EIF2AK4: variants seen among roughly 807,000 people sequenced by gnomAD.
EIF2AK4 encodes eukaryotic translation initiation factor 2 alpha kinase 4, also known as eIF-2-alpha kinase GCN2.
Under a neutral mutation model 211.1 loss-of-function variants are expected in EIF2AK4, and 139 were observed. The ratio of observed to expected loss-of-function variants is 0.66; its 90% CI spans 0.57 to 0.76. The LOEUF (loss-of-function observed/expected upper bound fraction) is 0.76. Among genes scored for constraint, EIF2AK4 ranks in the 30% least tolerant of loss-of-function variants. The pLI, the probability that EIF2AK4 is intolerant of heterozygous loss-of-function variation, is 0.00. For missense variants in EIF2AK4, 1,664 were observed against 2,043.8 expected, an observed-to-expected ratio of 0.81 and a Z score of 3.58; for synonymous variants, 710 against 751.3, an observed-to-expected ratio of 0.94 and a Z score of 0.90.
intron 1 of EIF2AK4, among the ~76,000 whole-genome samples, chr15:39,937,583 T>C (rs1371824724): frequency 1.3e-5 from 2 of 152,244 alleles, no homozygotes; most frequent in Non-Finnish European, 2.9e-5. Context: ...AAATGACCTT[T>C]TTTTTCTTTT....
chr15:39,949,084 C>A, intron 3 of EIF2AK4, 32 bp from the exon 4 acceptor site: 1 of 1,601,786 alleles, frequency 6.2e-7, no homozygotes, highest in South Asian at 1.1e-5. Flanking sequence ...ATTATTTGAT[C>A]ATTTGTGGTT....
chr15:39,977,746 A>G (rs1308343430), intron 12 of EIF2AK4: 1 of 173,026 alleles, frequency 5.8e-6, no homozygotes, highest in African/African-American at 2.4e-5. Context: ...ACCAATAATT[A>G]TGATCCTAAA....
chr15:40,001,176 G>C lies in EIF2AK4; in HGVS notation c.3111G>C (p.Gln1037His), dbSNP rs558057788. 12 of 1,613,994 alleles carry C rather than the reference G, an allele frequency of 7.4e-6. No homozygotes were observed. The highest frequency in any genetic ancestry group is 8.5e-6 in the Non-Finnish European group (10 of 1,179,978). Residue 1037 changes from glutamine (Q) to histidine (H), a missense_variant, in exon 21 of 39, where the codon CAG becomes CAC. Around this residue, in one of 7 missense-constraint regions of EIF2AK4, gnomAD observed 622 missense variants for 796.8 expected, o/e 0.78. Transcript: ENST00000263791. Reference protein sequence around the residue: ...YRTMMAQIFSQRISPAIDYTY... With the variant: ...YRTMMAQIFSHRISPAIDYTY... ...CCATGATGGCCCAGATCTTCTCGCA[G>C]CGCATCTCCCCTGCCATCGATTACA...
chr15:39,990,523 C>A, intron 16 of EIF2AK4, 146 bp downstream of exon 16: 1 of 702,920 alleles, frequency 1.4e-6, no homozygotes, highest in Non-Finnish European at 2.4e-6. Context: ...GGGTATGCTG[C>A]AAATGATCTT....
chr15:40,008,960 T>C (rs1362711790), intron 25 of EIF2AK4, among the ~76,000 whole-genome samples: 1 of 152,206 alleles, frequency 6.6e-6, no homozygotes, highest in Non-Finnish European at 1.5e-5. Flanking sequence ...TAACAATAAC[T>C]ATTCCACTGG....
intron 18 of EIF2AK4, among the ~76,000 whole-genome samples, chr15:39,994,622 T>C (rs1011239704): frequency 6.6e-6 from 1 of 152,132 alleles, no homozygotes; most frequent in Non-Finnish European, 1.5e-5. Context: ...CAATTATATA[T>C]GTGTAAAATA....
intron 7 of EIF2AK4, among the ~76,000 whole-genome samples, chr15:39,965,431 G>T (rs1188083623): frequency 1.3e-5 from 2 of 152,052 alleles, no homozygotes; most frequent in Non-Finnish European, 2.9e-5. Flanking sequence ...GCCAAACATT[G>T]GTCTCTTTAT....
At chr15:39,994,439 C>G (rs1000370085) in intron 18 of EIF2AK4, among the ~76,000 whole-genome samples, 14 of 152,200 alleles carry the variant, frequency 9.2e-5, no homozygotes, top group Non-Finnish European at 1.8e-4. Context: ...GAGACCTCAT[C>G]CCTACTAAAC....
chr15:39,943,899 G>A (rs1421562914), intron 3 of EIF2AK4, among the ~76,000 whole-genome samples: 2 of 152,106 alleles, frequency 1.3e-5, no homozygotes, highest in East Asian at 1.9e-4. Flanking sequence ...AGGTTACAGT[G>A]AGCTATGATC....
chr15:39,983,677 G>A (rs769937402), intron 13 of EIF2AK4, among the ~76,000 whole-genome samples: 1 of 152,192 alleles, frequency 6.6e-6, no homozygotes, highest in Admixed American at 6.5e-5. Context: ...CCCGACCTCA[G>A]GTGAACCGAC....
chr15:39,982,458 G>A (rs1343798023), intron 13 of EIF2AK4, among the ~76,000 whole-genome samples: 1 of 152,144 alleles, frequency 6.6e-6, no homozygotes, highest in Admixed American at 6.5e-5. Flanking sequence ...ATTGTTCTGT[G>A]TAGCAACAGA....
At chr15:39,976,036 T>TA (rs1473321442) in intron 11 of EIF2AK4, among the ~76,000 whole-genome samples, 1 of 152,254 alleles carries the variant, frequency 6.6e-6, no homozygotes, top group Non-Finnish European at 1.5e-5. Flanking sequence ...AGAGAGAAAC[T>TA]AAAATCATCT....
At chr15:40,003,454 G>A (rs78480775) in intron 23 of EIF2AK4, 140 bp downstream of exon 23, 2 of 1,343,008 alleles carry the variant, frequency 1.5e-6, no homozygotes, top group African/African-American at 2.9e-5. Context: ...AGTTGTCAGA[G>A]TGAGAGTGTT....
chr15:39,983,319 A>G (rs1224146485), intron 13 of EIF2AK4, among the ~76,000 whole-genome samples: 1 of 151,906 alleles, frequency 6.6e-6, no homozygotes, highest in Admixed American at 6.6e-5. Context: ...GCTTTTTTTC[A>G]TGTGTTTGTT....
At chr15:40,002,417 T>C (rs1233256597) in intron 21 of EIF2AK4, 1 of 313,894 alleles carries the variant, frequency 3.2e-6, no homozygotes. Flanking sequence ...TCAGAGAGAA[T>C]GTGTTTATTT....
At chr15:39,997,410 TTTTG>T (rs1455845317) in intron 19 of EIF2AK4, among the ~76,000 whole-genome samples, 1 of 152,122 alleles carries the variant, frequency 6.6e-6, no homozygotes, top group South Asian at 2.1e-4. Flanking sequence ...CTTGCCCCAG[TTTTG>T]TTTGTTTTTG....
Position 40,022,190 on chromosome 15 carries a change from G to GTGTGTGTT in EIF2AK4, c.4303-322_4303-321insTTGTGTGT, listed in dbSNP as rs1423914394. 3.1e-4 allele frequency: 58 copies of GTGTGTGTT among 184,872 alleles called. 1 individual carries two copies. Among genetic ancestry groups the GTGTGTGTT allele is most frequent in the African/African-American group, 1.4e-3 (56 of 39,964 alleles). 11.5% of individuals were successfully genotyped at this position (184,872 alleles called of 1,614,324 possible). On this transcript the variant is annotated intron_variant, in intron 31 of 38. Coordinates refer to ENST00000263791, the MANE Select transcript of EIF2AK4 (RefSeq NM_001013703.4). ...TCAGAGGCTTTTTCAGCGTGTGTGT[G>GTGTGTGTT]TGTGTGTGTGTGTGTGTGTGTGTGT...
rs1458970443 is a variant in EIF2AK4, at chr15:39,967,702, T to C, written c.1376T>C (p.Phe459Ser). ...RLADICKEDV[F>S]EQTRVRFSDN... ...GCAGACATTTGCAAGGAGGATGTGT[T>C]TGAGCAAACCCGAGTTCGTTTTAGT... Residue 459 changes from phenylalanine (F) to serine (S), a missense_variant, in exon 9 of 39, where the codon TTT becomes TCT. Phe to Ser is a radical substitution (Grantham distance 155, BLOSUM62 -2). This residue lies in a region of EIF2AK4 where 641 missense variants were observed against 729.6 expected (regional missense o/e 0.88). Coordinates refer to ENST00000263791, the MANE Select transcript of EIF2AK4 (RefSeq NM_001013703.4). 7.4e-6 allele frequency: 12 copies of C among 1,614,088 alleles called. No individual in the cohort carries two copies. Among genetic ancestry groups the C allele is most frequent in the Admixed American group, 1.7e-5 (1 of 60,006 alleles).
rs1345360796 is a variant in EIF2AK4, at chr15:39,934,209, G to C, written c.14G>C (p.Arg5Pro). ...CGCAGCGCTGCCATGGCTGGGGGCC[G>C]TGGGGCCCCCGGGCGCGGCCGGGAC... MAGG[R>P]GAPGRGRDEP... The change falls in exon 1 of 39, where the codon CGT becomes CCT. Residue 5 changes from arginine to proline, a missense_variant. Arg to Pro is a moderately radical substitution (Grantham distance 103). This residue lies in a region of EIF2AK4 where 641 missense variants were observed against 729.6 expected (regional missense o/e 0.88). Coordinates refer to ENST00000263791, the MANE Select transcript of EIF2AK4 (RefSeq NM_001013703.4). 1 of 1,575,564 alleles carries C rather than the reference G, an allele frequency of 6.3e-7. No individual in the cohort carries two copies. Among genetic ancestry groups the C allele is most frequent in the Non-Finnish European group, 8.6e-7 (1 of 1,162,182 alleles).
Sources: allele counts gnomAD v4.1 joint callset (sites outside exome capture counted in the v4.1 genomes callset), GRCh38; gene constraint gnomAD v4.1.1; regional missense constraint gnomAD v4.1.1; transcripts MANE v1.5; gene names NCBI Gene and HGNC (gene_info 2026-07-23, HGNC 2026-07-21).